Variants in AGAP1 observed in about 807,000 individuals in gnomAD.
The protein encoded by AGAP1 is ArfGAP with GTPase domain, ankyrin repeat and PH domain 1.
Under a neutral mutation model 105.3 loss-of-function variants are expected in AGAP1, and 29 were observed. That is an observed-to-expected ratio of 0.28 (90% CI 0.21 to 0.38). The LOEUF is 0.38. AGAP1 is among the 10% of genes least tolerant of loss of function. The pLI, the probability that AGAP1 is intolerant of heterozygous loss-of-function variation, is 1.00. For synonymous variants in AGAP1, 509 were observed against 485.9 expected (o/e 1.05, Z -0.63); for missense variants, 998 against 1,165.1 (o/e 0.86, Z 2.09).
chr2:235,917,560 C>T lies in AGAP1; in HGVS notation c.1324+8654C>T, dbSNP rs570365043. The stretch of plus-strand genomic sequence containing the variant: ...AGAGCATTTAAGAGGGAGCGCTCTC[C>T]GCCGTGACAGGGACCGGGGTAATAA... On this transcript the variant is annotated intron_variant, in intron 11 of 17. Coordinates refer to ENST00000304032, the MANE Select transcript of AGAP1 (RefSeq NM_001037131.3). Among the ~76,000 whole-genome samples, 3 of 152,174 alleles carry T rather than the reference C, an allele frequency of 2.0e-5. No individual in the cohort carries two copies. The South Asian group carries it at 6.2e-4, about 32-fold the overall frequency.
rs1300487438 is a variant in AGAP1, at chr2:236,061,579, C to G, written c.2114+12298C>G. Among the ~76,000 whole-genome samples, 1 of 152,050 alleles carries G rather than the reference C, an allele frequency of 6.6e-6. No homozygotes were observed. Among genetic ancestry groups the G allele is most frequent in the African/African-American group, 2.4e-5 (1 of 41,390 alleles). ...GTGGGTGAACCTCGAAGACATGATG[C>G]TAAAGGAAAGGAAGCAGGCACAGAA... On this transcript the variant is annotated intron_variant, in intron 16 of 17. Coordinates refer to ENST00000304032, the MANE Select transcript of AGAP1 (RefSeq NM_001037131.3). This position sits in a 1 kb window ranked among gnomAD's most constrained non-coding sequence, Gnocchi z 4.1.
At chr2:235,571,870 C>CT (rs1178965602) in intron 1 of AGAP1, among the ~76,000 whole-genome samples, 1 of 150,910 alleles carries the variant, frequency 6.6e-6, no homozygotes, top group Non-Finnish European at 1.5e-5. Flanking sequence ...AGTGCTGGGA[C>CT]TACAGGCGTT....
chr2:235,610,070 T>A lies in AGAP1; in HGVS notation c.164-99109T>A, dbSNP rs1423699510. On this transcript the variant is annotated intron_variant, in intron 1 of 17. Coordinates refer to ENST00000304032, the MANE Select transcript of AGAP1 (RefSeq NM_001037131.3). The surrounding 1 kb of genome is among the most constrained non-coding windows in gnomAD (Gnocchi z 4.9). ...TTTTCCTGCATTTGCCCCAACTCTG[T>A]GCAGGGCCAGCACTTTTAGCTCCTA... 6.6e-6 allele frequency among the ~76,000 whole-genome samples: 1 copy of A among 152,154 alleles called. No homozygotes were observed. The highest frequency in any genetic ancestry group is 2.4e-5 in the African/African-American group (1 of 41,420).
chr2:235,884,962 C>A (rs1320168031), intron 10 of AGAP1, among the ~76,000 whole-genome samples: 1 of 152,144 alleles, frequency 6.6e-6, no homozygotes, highest in Non-Finnish European at 1.5e-5. Context: ...ATCTGCCTAA[C>A]CTCGCCTTCC....
chr2:235,675,555 T>A (rs549326416), intron 1 of AGAP1, among the ~76,000 whole-genome samples: 3 of 152,316 alleles, frequency 2.0e-5, no homozygotes, highest in African/African-American at 7.2e-5. Flanking sequence ...TAGTCTTTTG[T>A]TATTAGAATT....
intron 1 of AGAP1, among the ~76,000 whole-genome samples, chr2:235,704,417 G>A (rs1950419144): frequency 6.6e-6 from 1 of 152,216 alleles, no homozygotes; most frequent in African/African-American, 2.4e-5. Context: ...GGAGGCCGAG[G>A]CCAGCGGATC....
rs979615320 is a variant in AGAP1 at position 236,035,937 on chromosome 2, C to T, written c.1646-624C>T. The stretch of plus-strand genomic sequence containing the variant: ...GGCAGGTGGGGTCGCAGGGTATACC[C>T]CCAAGTTCCTCTCTTCCCATTGCAG... On this transcript the variant is annotated intron_variant, in intron 13 of 17. Coordinates refer to ENST00000304032, the MANE Select transcript of AGAP1 (RefSeq NM_001037131.3). The surrounding 1 kb of genome is among the most constrained non-coding windows in gnomAD (Gnocchi z 4.2). Among the ~76,000 whole-genome samples the T allele has an allele frequency of 3.9e-5, 6 of 152,072 alleles. No homozygotes were observed. In the South Asian group the frequency reaches 1.2e-3, roughly 32 times the overall value.
chr2:235,628,392 A>G (rs770387770), intron 1 of AGAP1, among the ~76,000 whole-genome samples: 3 of 152,128 alleles, frequency 2.0e-5, no homozygotes. Context: ...GTCCAGGGGC[A>G]CCTAGCAGGG....
chr2:235,863,882 G>T (rs2049037421), intron 9 of AGAP1, among the ~76,000 whole-genome samples: 1 of 152,340 alleles, frequency 6.6e-6, no homozygotes, highest in African/African-American at 2.4e-5. Context: ...TGGATGAAAA[G>T]TTGCCAGGAA....
rs1576195048 is a variant in AGAP1 at position 236,058,664 on chromosome 2, AACAAG to A, written c.2114+9390_2114+9394del. Among the ~76,000 whole-genome samples, 1 of 152,334 alleles carries A rather than the reference AACAAG, an allele frequency of 6.6e-6. No homozygotes were observed. The highest frequency in any genetic ancestry group is 1.9e-4 in the East Asian group (1 of 5,190). On this transcript the variant is annotated intron_variant, in intron 16 of 17. Coordinates refer to ENST00000304032, the MANE Select transcript of AGAP1 (RefSeq NM_001037131.3). This position sits in a 1 kb window ranked among gnomAD's most constrained non-coding sequence, Gnocchi z 4.6. The stretch of plus-strand genomic sequence containing the variant: ...TGCAGGCTTTTCCCCTAAGATCACA[AACAAG>A]ACAAGAATGTCACCAGATCTGTTCA...
intron 1 of AGAP1, among the ~76,000 whole-genome samples, chr2:235,510,653 C>T (rs1018828619): frequency 1.4e-4 from 22 of 152,146 alleles, no homozygotes; most frequent in Non-Finnish European, 3.1e-4. Flanking sequence ...TTTTACTCTC[C>T]CGCCGGCAGT....
At position 235,612,469 on chromosome 2, in the gene AGAP1, C is replaced by G. The variant is rs1285027892; in HGVS notation, c.164-96710C>G. ...GCAGCGCCTAGAGTGCTGGGCCCTTCCAGATGATCTATGAATTGGTCTTTG... is the reference window on the plus strand; with the variant it reads ...GCAGCGCCTAGAGTGCTGGGCCCTTGCAGATGATCTATGAATTGGTCTTTG... On this transcript the variant is annotated intron_variant, in intron 1 of 17. Transcript: ENST00000304032. The surrounding 1 kb of genome is among the most constrained non-coding windows in gnomAD (Gnocchi z 4.3). 1.3e-5 allele frequency among the ~76,000 whole-genome samples: 2 copies of G among 152,160 alleles called. No homozygotes were observed. Among genetic ancestry groups the G allele is most frequent in the Non-Finnish European group, 2.9e-5 (2 of 68,038 alleles).
chr2:235,781,112 T>G (rs1956234431), intron 6 of AGAP1, among the ~76,000 whole-genome samples: 1 of 152,162 alleles, frequency 6.6e-6, no homozygotes, highest in Non-Finnish European at 1.5e-5. Context: ...TTAATCTGGG[T>G]ATGTCTAAAG....
chr2:235,931,870 G>A lies in AGAP1; in HGVS notation c.1483+947G>A, dbSNP rs2052737977. Among the ~76,000 whole-genome samples the A allele has an allele frequency of 6.6e-6, 1 of 152,092 alleles. No individual in the cohort carries two copies. Among genetic ancestry groups the A allele is most frequent in the African/African-American group, 2.4e-5 (1 of 41,416 alleles). On this transcript the variant is annotated intron_variant, in intron 12 of 17. Transcript: ENST00000304032. This position sits in a 1 kb window ranked among gnomAD's most constrained non-coding sequence, Gnocchi z 5.6. ...GTCAGCGAGGTAGCTCCACACCATA[G>A]CGGTGCGGGTCTGGAAGAGCCTTGT...
rs564126653 is a variant in AGAP1 at position 235,874,344 on chromosome 2, C to A, written c.1051-9001C>A. The stretch of plus-strand genomic sequence containing the variant: ...GGTTACAGATGTAAGCCACTGTGCC[C>A]GGCCCAGAACCACATTCTTGAGCTG... On this transcript the variant is annotated intron_variant, in intron 9 of 17. Coordinates refer to ENST00000304032, the MANE Select transcript of AGAP1 (RefSeq NM_001037131.3). This position sits in a 1 kb window ranked among gnomAD's most constrained non-coding sequence, Gnocchi z 4.5. Among the ~76,000 whole-genome samples, 2 of 152,326 alleles carry A rather than the reference C, an allele frequency of 1.3e-5. No individual in the cohort carries two copies. Among genetic ancestry groups the A allele is most frequent in the African/African-American group, 4.8e-5 (2 of 41,580 alleles).
rs1297327398 is a variant in AGAP1, at chr2:235,569,975, G to A, written c.163+75126G>A. On this transcript the variant is annotated intron_variant, in intron 1 of 17. Transcript: ENST00000304032. This position sits in a 1 kb window ranked among gnomAD's most constrained non-coding sequence, Gnocchi z 5.9. The stretch of plus-strand genomic sequence containing the variant: ...AAGGAAAACATGGTGTGACTGGCCC[G>A]GGATCCAAATTATTTGCAGCGCCTG... Among the ~76,000 whole-genome samples, 2 of 152,148 alleles carry A rather than the reference G, an allele frequency of 1.3e-5. No homozygotes were observed. Among genetic ancestry groups the A allele is most frequent in the African/African-American group, 4.8e-5 (2 of 41,426 alleles).
At chr2:235,837,332 G>A (rs749327327) in intron 9 of AGAP1, among the ~76,000 whole-genome samples, 6 of 152,094 alleles carry the variant, frequency 3.9e-5, no homozygotes, top group East Asian at 1.9e-4. Context: ...GATTAACAGC[G>A]GTTACATTAA....
intron 1 of AGAP1, among the ~76,000 whole-genome samples, chr2:235,607,588 G>A (rs562865437): frequency 6.6e-6 from 1 of 152,210 alleles, no homozygotes; most frequent in African/African-American, 2.4e-5. Flanking sequence ...TTCAGCCTTT[G>A]CTTTGTTTGT....
intron 13 of AGAP1, among the ~76,000 whole-genome samples, chr2:236,034,647 C>T (rs2057324801): frequency 6.6e-6 from 1 of 152,196 alleles, no homozygotes. Flanking sequence ...AAAGACTCTT[C>T]TCTCCCCTCC....
Sources: allele counts gnomAD v4.1 joint callset (sites outside exome capture counted in the v4.1 genomes callset), GRCh38; gene constraint gnomAD v4.1.1; non-coding constraint Gnocchi (gnomAD v3.1); transcripts MANE v1.5; gene names NCBI Gene and HGNC (gene_info 2026-07-23, HGNC 2026-07-21).